NDST4: variants seen among roughly 807,000 people sequenced by gnomAD.
The protein encoded by NDST4 is N-heparan sulfate sulfotransferase 4.
A neutral mutation model predicts 100.8 loss-of-function variants in NDST4; 63 were observed. The observed-to-expected ratio is 0.62, with a 90% CI of 0.51 to 0.77. NDST4 has a LOEUF of 0.77. NDST4 is among the 30% of genes least tolerant of loss of function. The probability of loss-of-function intolerance (pLI) is 0.00; values close to 1 mark genes in which losing one functional copy is unlikely to be tolerated. For synonymous variants in NDST4, 377 were observed against 361.8 expected (o/e 1.04, Z -0.48); for missense variants, 943 against 1,018.4 (o/e 0.93, Z 1.01).
chr4:114,847,552 C>A (rs1723581768), intron 9 of NDST4, among the ~76,000 whole-genome samples: 1 of 151,902 alleles, frequency 6.6e-6, no homozygotes, highest in Non-Finnish European at 1.5e-5. Flanking sequence ...AAATTCAGGA[C>A]CATGTTTTCT....
Position 114,917,990 on chromosome 4 carries a change from T to C in NDST4, c.1536+17216A>G, listed in dbSNP as rs145364705. Among the ~76,000 whole-genome samples, 591 of 152,282 alleles carry C rather than the reference T, an allele frequency of 3.9e-3. 5 individuals carry two copies. The highest frequency in any genetic ancestry group is 0.014 in the African/African-American group (564 of 41,550). On this transcript the variant is annotated intron_variant, in intron 6 of 13. Coordinates refer to ENST00000264363, the MANE Select transcript of NDST4 (RefSeq NM_022569.3). Reference sequence around the variant, plus strand: ...CATTAAAAATAATCATGTCAATACTTGAGTGGATACTGAAGATGGCTTGGA... The same window carrying C: ...CATTAAAAATAATCATGTCAATACTCGAGTGGATACTGAAGATGGCTTGGA...
At chr4:115,006,763 C>T (rs1412104557) in intron 2 of NDST4, among the ~76,000 whole-genome samples, 1 of 151,944 alleles carries the variant, frequency 6.6e-6, no homozygotes, top group East Asian at 1.9e-4. Context: ...GAAGTTGAAA[C>T]CATGGGTTTG....
chr4:114,905,233 T>C (rs1724924271), intron 6 of NDST4, among the ~76,000 whole-genome samples: 1 of 149,066 alleles, frequency 6.7e-6, no homozygotes, highest in Non-Finnish European at 1.5e-5. Flanking sequence ...ATGTATTCCC[T>C]GGACCAGTTC....
chr4:114,851,929 C>T (rs1287959183), intron 8 of NDST4, among the ~76,000 whole-genome samples: 1 of 152,102 alleles, frequency 6.6e-6, no homozygotes, highest in African/African-American at 2.4e-5. Context: ...TTTATTGAGA[C>T]TGTTTGTTTT....
chr4:115,057,208 C>T (rs1220056349), intron 2 of NDST4, among the ~76,000 whole-genome samples: 3 of 152,002 alleles, frequency 2.0e-5, no homozygotes, highest in East Asian at 3.9e-4. Context: ...CAGTAGTCTG[C>T]CTGTAGAAGT....
intron 2 of NDST4, among the ~76,000 whole-genome samples, chr4:115,034,539 A>G (rs1728191424): frequency 6.6e-6 from 1 of 152,162 alleles, no homozygotes; most frequent in African/African-American, 2.4e-5. Context: ...AGTGCCTGTT[A>G]TAACATTAAG....
intron 2 of NDST4, among the ~76,000 whole-genome samples, chr4:115,012,327 G>A (rs191830772): frequency 2.0e-5 from 3 of 151,860 alleles, no homozygotes; most frequent in African/African-American, 4.8e-5. Context: ...TAAAAGGCTG[G>A]GTTATCTGAT....
chr4:115,066,850 C>T (rs149009112), intron 2 of NDST4, among the ~76,000 whole-genome samples: 2 of 152,282 alleles, frequency 1.3e-5, no homozygotes, highest in Non-Finnish European at 2.9e-5. Context: ...CTCTCTCCTG[C>T]ACAGGCTTGC....
intron 2 of NDST4, among the ~76,000 whole-genome samples, chr4:115,065,876 A>G (rs1246877129): frequency 6.6e-6 from 1 of 152,132 alleles, no homozygotes; most frequent in African/African-American, 2.4e-5. Context: ...GCAACTTACC[A>G]TTCTCAAAAA....
At chr4:114,954,504 G>A (rs1430441820) in intron 4 of NDST4, among the ~76,000 whole-genome samples, 1 of 151,984 alleles carries the variant, frequency 6.6e-6, no homozygotes, top group African/African-American at 2.4e-5. Context: ...TTGGAAGCAA[G>A]GAAAAGAGGA....
intron 1 of NDST4, among the ~76,000 whole-genome samples, chr4:115,093,343 C>T (rs1044835711): frequency 3.4e-4 from 52 of 151,938 alleles, no homozygotes; most frequent in Admixed American, 1.0e-3. Context: ...GGCGTGGTGG[C>T]GGGTGCCTGT....
At chr4:114,955,063 T>A (rs1024010287) in intron 4 of NDST4, among the ~76,000 whole-genome samples, 4 of 152,168 alleles carry the variant, frequency 2.6e-5, no homozygotes, top group South Asian at 2.1e-4. Flanking sequence ...TCTTTATAAA[T>A]TCCCCAGTCT....
chr4:115,046,524 A>AAAAGG (rs1728466685), intron 2 of NDST4, among the ~76,000 whole-genome samples: 1 of 152,118 alleles, frequency 6.6e-6, no homozygotes, highest in Non-Finnish European at 1.5e-5. Flanking sequence ...GAAGAGTGGA[A>AAAAGG]AAAGGAGTAA....
intron 2 of NDST4, among the ~76,000 whole-genome samples, chr4:115,035,108 A>C (rs1728204516): frequency 6.6e-6 from 1 of 152,172 alleles, no homozygotes; most frequent in Non-Finnish European, 1.5e-5. Context: ...ATTGCAGAAC[A>C]TAGTAAAACT....
In NDST4 at chr4:114,986,832, A is replaced by ATATATATATATATATATATATATATATT; in HGVS notation, c.979-9559_979-9558insAATATATATATATATATATATATATATA. Among the ~76,000 whole-genome samples, 10 of 94,650 alleles carry ATATATATATATATATATATATATATATT rather than the reference A, an allele frequency of 1.1e-4. 1 individual carries two copies. Among genetic ancestry groups the ATATATATATATATATATATATATATATT allele is most frequent in the South Asian group, 4.3e-4 (1 of 2,336 alleles). The allele number at this position is 94,650 out of a possible 152,430, so 62.1% of individuals were successfully genotyped here. A position where few individuals can be genotyped will look rare whatever the true frequency, so the allele number is the denominator to read the frequency against. On this transcript the variant is annotated intron_variant, in intron 2 of 13. Transcript: ENST00000264363. The stretch of plus-strand genomic sequence containing the variant: ...TATATATATATATATATATATATAT[A>ATATATATATATATATATATATATATATT]TTTTAATATACTATTCCTATAAGCT...
chr4:114,871,453 T>C (rs1421033334), intron 6 of NDST4, among the ~76,000 whole-genome samples: 1 of 152,098 alleles, frequency 6.6e-6, no homozygotes, highest in East Asian at 1.9e-4. Context: ...CAGAAACTTT[T>C]CCCCACTCAT....
At chr4:115,011,055 C>T (rs1265808318) in intron 2 of NDST4, among the ~76,000 whole-genome samples, 1 of 151,846 alleles carries the variant, frequency 6.6e-6, no homozygotes, top group African/African-American at 2.4e-5. Context: ...ATTGTAATGC[C>T]TTCATTTTCC....
At chr4:115,087,057 G>C (rs936233372) in intron 1 of NDST4, among the ~76,000 whole-genome samples, 1 of 151,962 alleles carries the variant, frequency 6.6e-6, no homozygotes, top group Non-Finnish European at 1.5e-5. Flanking sequence ...CAAATGCCCA[G>C]AATGTGTGGA....
chr4:115,077,183 T>A lies in NDST4; in HGVS notation c.-147A>T. 1 of 745,272 alleles carries A rather than the reference T, an allele frequency of 1.3e-6. No homozygotes were observed. 46.2% of individuals were successfully genotyped at this position (745,272 alleles called of 1,614,324 possible). On this transcript the variant is annotated 5_prime_UTR_variant, in exon 2 of 14. Coordinates refer to ENST00000264363, the MANE Select transcript of NDST4 (RefSeq NM_022569.3). The stretch of plus-strand genomic sequence containing the variant: ...GTAAAATGTTTGAAGGGAGCACAAC[T>A]GAGTTAAAGCTGGAAGGCAATAGAT...
Sources: gnomAD v4.1 joint callset for allele counts (sites outside exome capture counted in the v4.1 genomes callset) on GRCh38, gnomAD v4.1.1 for gene constraint, MANE v1.5 for transcripts, NCBI Gene and HGNC (gene_info 2026-07-23, HGNC 2026-07-21) for gene names.